The following MPPED2 variants were observed in gnomAD, a reference collection of about 807,000 sequenced individuals.
MPPED2 encodes metallophosphoesterase domain containing 2, also known as metallophosphoesterase MPPED2.
MPPED2 carries 5 observed loss-of-function variants against 33.0 expected under a neutral mutation model. The observed-to-expected ratio is 0.15, with a 90% CI of 0.08 to 0.32. The LOEUF is 0.32. Ranked by LOEUF, MPPED2 falls within the 10% of genes least tolerant of loss-of-function variation. The pLI, the probability that MPPED2 is intolerant of heterozygous loss-of-function variation, is 1.00. For missense variants in MPPED2, 275 were observed against 372.1 expected (o/e 0.74, Z 2.15); for synonymous variants, 136 against 141.9 (o/e 0.96, Z 0.29).
chr11:30,517,660 G>A (rs562987653), intron 3 of MPPED2, among the ~76,000 whole-genome samples: 1 of 152,184 alleles, frequency 6.6e-6, no homozygotes, highest in Admixed American at 6.5e-5. Flanking sequence ...CAATGGAACA[G>A]GGTACTAATG....
intron 4 of MPPED2, among the ~76,000 whole-genome samples, chr11:30,471,952 CA>C (rs113198337): frequency 5.5e-5 from 8 of 145,606 alleles, no homozygotes; most frequent in South Asian, 4.3e-4. Context: ...AACCAAATGA[CA>C]AAAAAAAAAC....
At chr11:30,473,287 C>A (rs760953137) in intron 4 of MPPED2, among the ~76,000 whole-genome samples, 1 of 152,080 alleles carries the variant, frequency 6.6e-6, no homozygotes, top group African/African-American at 2.4e-5. Flanking sequence ...CATTTCTGTA[C>A]CTCACAATCA....
intron 4 of MPPED2, among the ~76,000 whole-genome samples, chr11:30,430,588 GAAA>G (rs1949034966): frequency 1.3e-5 from 2 of 152,176 alleles, no homozygotes; most frequent in Non-Finnish European, 2.9e-5. Context: ...TCCCTGTCTA[GAAA>G]TTACATCCTA....
At chr11:30,391,531 T>C (rs532790020) in intron 6 of MPPED2, among the ~76,000 whole-genome samples, 16 of 152,312 alleles carry the variant, frequency 1.1e-4, no homozygotes, top group African/African-American at 3.8e-4. Context: ...GCCTGTGATA[T>C]ATGAACAAGA....
intron 3 of MPPED2, among the ~76,000 whole-genome samples, chr11:30,506,869 C>A (rs554510161): frequency 6.6e-6 from 1 of 152,240 alleles, no homozygotes; most frequent in Non-Finnish European, 1.5e-5. Flanking sequence ...AGGAATTCTG[C>A]GGGGCAGGGC....
chr11:30,534,071 G>T lies in MPPED2; in HGVS notation c.310+1923C>A, dbSNP rs75250392. Among the ~76,000 whole-genome samples, 360 of 152,256 alleles carry T rather than the reference G, an allele frequency of 2.4e-3. 3 individuals carry two copies. The highest frequency in any genetic ancestry group is 8.1e-3 in the African/African-American group (338 of 41,554). On this transcript the variant is annotated intron_variant, in intron 3 of 6. Transcript: ENST00000358117. ...TCTACACAACAATCCAGAAAGACAA[G>T]TAGTATTAATCCTTCGTCCTGCAGA...
chr11:30,389,897 A>G (rs1366869633), intron 6 of MPPED2, among the ~76,000 whole-genome samples: 1 of 152,186 alleles, frequency 6.6e-6, no homozygotes, highest in Non-Finnish European at 1.5e-5. Context: ...AGTACAAGTT[A>G]ATGGTCAAAT....
intron 4 of MPPED2, among the ~76,000 whole-genome samples, chr11:30,422,816 T>C (rs1484588883): frequency 6.6e-6 from 1 of 152,144 alleles, no homozygotes; most frequent in African/African-American, 2.4e-5. Flanking sequence ...ACCTCTCCCC[T>C]TCTAGGGAGA....
At chr11:30,464,183 C>A (rs901699575) in intron 4 of MPPED2, among the ~76,000 whole-genome samples, 2 of 151,328 alleles carry the variant, frequency 1.3e-5, no homozygotes, top group Admixed American at 6.6e-5. Context: ...GGTTATCAGA[C>A]TTGGATCTCA....
intron 2 of MPPED2, among the ~76,000 whole-genome samples, chr11:30,559,670 AT>A (rs1017047239): frequency 1.3e-5 from 2 of 152,080 alleles, no homozygotes; most frequent in African/African-American, 4.8e-5. Context: ...TTTGAAAGTT[AT>A]TTTTTTAATT....
intron 4 of MPPED2, among the ~76,000 whole-genome samples, chr11:30,470,116 T>C (rs917076695): frequency 2.6e-5 from 4 of 152,200 alleles, no homozygotes; most frequent in African/African-American, 7.2e-5. Flanking sequence ...TTTATGAAAA[T>C]TTATTATTCA....
chr11:30,539,768 A>T (rs1394961320), intron 2 of MPPED2, among the ~76,000 whole-genome samples: 2 of 152,064 alleles, frequency 1.3e-5, no homozygotes, highest in Non-Finnish European at 2.9e-5. Context: ...TTATGGGCAC[A>T]GGCAACCACA....
intron 4 of MPPED2, among the ~76,000 whole-genome samples, chr11:30,484,255 A>G (rs1345839671): frequency 6.6e-6 from 1 of 152,146 alleles, no homozygotes; most frequent in Non-Finnish European, 1.5e-5. Context: ...ACTATTATTT[A>G]AGCTAGGTCT....
At chr11:30,562,045 C>A (rs1956260953) in intron 2 of MPPED2, among the ~76,000 whole-genome samples, 1 of 152,180 alleles carries the variant, frequency 6.6e-6, no homozygotes, top group Admixed American at 6.5e-5. Context: ...AAGCATCCCA[C>A]CTTTCATCTT....
intron 4 of MPPED2, among the ~76,000 whole-genome samples, chr11:30,460,577 A>G (rs1950480441): frequency 6.6e-6 from 1 of 152,170 alleles, no homozygotes; most frequent in Admixed American, 6.5e-5. Context: ...GAACTATGAT[A>G]GTGCCACTGC....
intron 4 of MPPED2, among the ~76,000 whole-genome samples, chr11:30,439,984 A>G (rs1949493376): frequency 6.6e-6 from 1 of 152,234 alleles, no homozygotes; most frequent in South Asian, 2.1e-4. Flanking sequence ...TAGATCAGGA[A>G]TTAGCAAGCT....
At chr11:30,449,304 A>G (rs1949947678) in intron 4 of MPPED2, among the ~76,000 whole-genome samples, 1 of 152,142 alleles carries the variant, frequency 6.6e-6, no homozygotes, top group African/African-American at 2.4e-5. Context: ...GCCACCCCCA[A>G]CTATGCCGCT....
intron 2 of MPPED2, among the ~76,000 whole-genome samples, chr11:30,548,039 G>A (rs1224544140): frequency 6.6e-6 from 1 of 152,070 alleles, no homozygotes; most frequent in African/African-American, 2.4e-5. Context: ...AAACAGTGAG[G>A]TCACTTACAG....
At chr11:30,384,330 A>G (rs938390993), downstream of MPPED2, among the ~76,000 whole-genome samples, 2 of 152,188 alleles carry the variant, frequency 1.3e-5, no homozygotes, top group South Asian at 2.1e-4. Context: ...GCAGGTATGG[A>G]GAGAGGACCA....
Sources: allele counts gnomAD v4.1 joint callset (sites outside exome capture counted in the v4.1 genomes callset), GRCh38; gene constraint gnomAD v4.1.1; transcripts MANE v1.5; gene names NCBI Gene and HGNC (gene_info 2026-07-23, HGNC 2026-07-21).